GSE1: variants seen among roughly 807,000 people sequenced by gnomAD.
GSE1 encodes genetic suppressor element 1.
Under a neutral mutation model 112.6 loss-of-function variants are expected in GSE1, and 32 were observed. The observed-to-expected ratio is 0.28, with a 90% CI of 0.21 to 0.38. The LOEUF (loss-of-function observed/expected upper bound fraction) is 0.38. GSE1 is among the 10% of genes least tolerant of loss of function. The pLI, the probability that GSE1 is intolerant of heterozygous loss-of-function variation, is 1.00. For synonymous variants in GSE1, 1,115 were observed against 735.6 expected, an observed-to-expected ratio of 1.52 and a Z score of -8.35; for missense variants, 2,348 against 1,699.2, an observed-to-expected ratio of 1.38 and a Z score of -6.71.
chr16:85,496,903 G>GT (rs11421073), intron 2 of GSE1, among the ~76,000 whole-genome samples: 5 of 147,074 alleles, frequency 3.4e-5, no homozygotes, highest in East Asian at 2.0e-4. Context: ...GGTCTTTGTT[G>GT]TTTTTTTTTT....
chr16:85,431,139 C>A (rs2049111062), intron 2 of GSE1, among the ~76,000 whole-genome samples: 1 of 152,178 alleles, frequency 6.6e-6, no homozygotes, highest in African/African-American at 2.4e-5. Context: ...TTGCACCAAG[C>A]TCCAGGGGTG....
At chr16:85,626,850 A>G (rs796383235) in intron 1 of GSE1, among the ~76,000 whole-genome samples, 29 of 151,918 alleles carry the variant, frequency 1.9e-4, no homozygotes, top group African/African-American at 7.0e-4. Context: ...GAGGAATGGG[A>G]CACCATATTT....
chr16:85,520,892 C>G (rs1379718584), intron 2 of GSE1, among the ~76,000 whole-genome samples: 2 of 152,146 alleles, frequency 1.3e-5, no homozygotes, highest in African/African-American at 4.8e-5. Context: ...GACCAAGGAC[C>G]AAGTGGGCCT....
At chr16:85,434,355 G>A (rs1019495336) in intron 2 of GSE1, among the ~76,000 whole-genome samples, 4 of 129,036 alleles carry the variant, frequency 3.1e-5, no homozygotes, top group Admixed American at 7.6e-5. Flanking sequence ...AATCAGTGCC[G>A]TCCGCCTCCT....
chr16:85,418,228 C>T (rs768546117), intron 2 of GSE1, among the ~76,000 whole-genome samples: 5 of 152,216 alleles, frequency 3.3e-5, no homozygotes, highest in Non-Finnish European at 7.3e-5. Flanking sequence ...AAATGTGCTC[C>T]GGGAAGCGTG....
chr16:85,237,196 GC>G (rs1369289019), intron 1 of GSE1, among the ~76,000 whole-genome samples: 1 of 152,154 alleles, frequency 6.6e-6, no homozygotes, highest in East Asian at 1.9e-4. Context: ...GGTGGCGGTC[GC>G]CTGTAATCCC....
intron 2 of GSE1, among the ~76,000 whole-genome samples, chr16:85,366,925 G>A (rs959909990): frequency 6.6e-6 from 1 of 152,250 alleles, no homozygotes; most frequent in South Asian, 2.1e-4. Context: ...CTGAGTAGCA[G>A]GAGTGGCTGT....
intron 1 of GSE1, among the ~76,000 whole-genome samples, chr16:85,191,793 C>A (rs564587761): frequency 6.6e-6 from 1 of 152,106 alleles, no homozygotes. Context: ...TGATGCAACA[C>A]GTATGGGAGG....
At chr16:85,467,918 C>A (rs2050170944) in intron 2 of GSE1, among the ~76,000 whole-genome samples, 1 of 152,174 alleles carries the variant, frequency 6.6e-6, no homozygotes, top group Admixed American at 6.5e-5. Context: ...GAGCTGGGAC[C>A]TGAGACATCG....
At chr16:85,233,569 C>T (rs969901477) in intron 1 of GSE1, among the ~76,000 whole-genome samples, 6 of 152,090 alleles carry the variant, frequency 3.9e-5, no homozygotes, top group Admixed American at 1.3e-4. Flanking sequence ...TGCATGTATG[C>T]GGTGTGTGAT....
intron 1 of GSE1, among the ~76,000 whole-genome samples, chr16:85,259,966 C>A (rs554946165): frequency 3.9e-5 from 6 of 152,252 alleles, no homozygotes; most frequent in African/African-American, 1.2e-4. Context: ...GGGCCCGACA[C>A]AGCTTCCTGG....
intron 1 of GSE1, chr16:85,594,552 T>A (rs1330144819): frequency 6.6e-6 from 1 of 152,248 alleles, no homozygotes; most frequent in Non-Finnish European, 1.5e-5. Context: ...CACACATTCA[T>A]TCATTCAGCA....
Position 85,246,432 on chromosome 16 carries a change from TCTA to T in GSE1, c.2283+74627_2283+74629del, listed in dbSNP as rs1438666399. 1.9e-4 allele frequency among the ~76,000 whole-genome samples: 7 copies of T among 36,406 alleles called. No homozygotes were observed. The East Asian group carries it at 4.7e-3, about 24-fold the overall frequency. 23.9% of individuals were successfully genotyped at this position (36,406 alleles called of 152,430 possible). A position where few individuals can be genotyped will look rare whatever the true frequency, so the allele number is the denominator to read the frequency against. ...ACACACACACACACACCCCATGCTC[TCTA>T]CACACACACACACACACACACACAC... is the stretch of plus-strand genomic sequence containing the variant. On this transcript the variant is annotated intron_variant, in intron 1 of 2. Transcript: ENST00000637419.
intron 2 of GSE1, among the ~76,000 whole-genome samples, chr16:85,480,113 C>G (rs1015871807): frequency 2.6e-5 from 4 of 152,222 alleles, no homozygotes; most frequent in African/African-American, 9.6e-5. Flanking sequence ...CGTCCTGTTC[C>G]CATTTACTAG....
chr16:85,456,588 G>A lies in GSE1; in HGVS notation c.2464+98945G>A, dbSNP rs947790523. 5.4e-3 allele frequency among the ~76,000 whole-genome samples: 467 copies of A among 86,362 alleles called. 9 individuals carry two copies. The highest frequency in any genetic ancestry group is 0.029 in the African/African-American group (450 of 15,710). 56.7% of individuals were successfully genotyped at this position (86,362 alleles called of 152,430 possible). A position where few individuals can be genotyped will look rare whatever the true frequency, so the allele number is the denominator to read the frequency against. On this transcript the variant is annotated intron_variant, in intron 2 of 2. Coordinates refer to the GSE1 transcript ENST00000637419. ...AGGGTCATTTTCCTGCCGTGTGTGT[G>A]TGTGTGTGTGTGTGTGTGTGTGTGT...
chr16:85,573,107 G>A (rs1484297014), intron 1 of GSE1, among the ~76,000 whole-genome samples: 3 of 152,108 alleles, frequency 2.0e-5, no homozygotes, highest in South Asian at 2.1e-4. Flanking sequence ...CAGGTGATCC[G>A]CCCGCCTCGG....
chr16:85,605,457 CA>C lies in GSE1; in HGVS notation c.38-43092del, dbSNP rs1408497421. ...CCACCTTTCCACTTCCTCCGCACAG[CA>C]AATGTAAGGGAATGCTTCTGAGCTC... On this transcript the variant is annotated intron_variant, in intron 1 of 2. Coordinates refer to the GSE1 transcript ENST00000635906. Among the ~76,000 whole-genome samples, 23 of 152,204 alleles carry C rather than the reference CA, an allele frequency of 1.5e-4. 1 individual carries two copies. Among genetic ancestry groups the C allele is most frequent in the African/African-American group, 5.5e-4 (23 of 41,450 alleles).
chr16:85,210,872 CTCT>C (rs1246939259), intron 1 of GSE1, among the ~76,000 whole-genome samples: 3 of 152,220 alleles, frequency 2.0e-5, no homozygotes, highest in Non-Finnish European at 4.4e-5. Context: ...GCCACCTGGA[CTCT>C]TCTTCTGGCC....
intron 1 of GSE1, among the ~76,000 whole-genome samples, chr16:85,284,778 C>G (rs909093041): frequency 1.3e-5 from 2 of 152,168 alleles, no homozygotes; most frequent in African/African-American, 4.8e-5. Flanking sequence ...GCACACACAG[C>G]TCACCTTCAG....
Sources: allele counts gnomAD v4.1 joint callset (sites outside exome capture counted in the v4.1 genomes callset), GRCh38; gene constraint gnomAD v4.1.1; transcripts MANE v1.5; gene names NCBI Gene and HGNC (gene_info 2026-07-23, HGNC 2026-07-21).